The following LEKR1 variants were observed in gnomAD, a reference collection of about 807,000 sequenced individuals.
The protein encoded by LEKR1 is protein LEKR1.
A neutral mutation model predicts 72.4 loss-of-function variants in LEKR1; 59 were observed. The ratio of observed to expected loss-of-function variants is 0.82; its 90% confidence interval spans 0.66 to 1.01. The LOEUF (loss-of-function observed/expected upper bound fraction) is 1.01. Ranked by LOEUF, LEKR1 falls within the 50% of genes least tolerant of loss-of-function variation. The probability of loss-of-function intolerance (pLI) is 0.00; values close to 1 mark genes in which losing one functional copy is unlikely to be tolerated. For synonymous variants in LEKR1, 257 were observed against 263.2 expected, an observed-to-expected ratio of 0.98 and a Z score of 0.23; for missense variants, 728 against 759.2, an observed-to-expected ratio of 0.96 and a Z score of 0.48.
At chr3:156,840,514 C>T (rs976499004) in intron 2 of LEKR1, among the ~76,000 whole-genome samples, 4 of 152,114 alleles carry the variant, frequency 2.6e-5, no homozygotes, top group African/African-American at 7.2e-5. Flanking sequence ...ATCAATCTTT[C>T]GGGTTTTTCA....
At chr3:156,952,680 C>T (rs1727274052) in intron 6 of LEKR1, among the ~76,000 whole-genome samples, 1 of 151,458 alleles carries the variant, frequency 6.6e-6, no homozygotes, top group Non-Finnish European at 1.5e-5. Context: ...AATGAACCCC[C>T]TTCCTTTGAC....
At chr3:156,950,352 A>G (rs945514164) in intron 6 of LEKR1, among the ~76,000 whole-genome samples, 9 of 151,492 alleles carry the variant, frequency 5.9e-5, no homozygotes, top group African/African-American at 2.2e-4. Context: ...ATTTTTAAAT[A>G]ATTTTTTCTA....
chr3:156,898,796 T>G (rs1721472357), intron 3 of LEKR1, among the ~76,000 whole-genome samples: 1 of 152,174 alleles, frequency 6.6e-6, no homozygotes, highest in Non-Finnish European at 1.5e-5. Flanking sequence ...AGTAAAGCAT[T>G]TGCTATGGCA....
Position 156,837,824 on chromosome 3 carries a change from C to T in LEKR1, c.48+8447C>T, listed in dbSNP as rs564652212. Among the ~76,000 whole-genome samples, 10 of 152,242 alleles carry T rather than the reference C, an allele frequency of 6.6e-5. No homozygotes were observed. In the South Asian group the frequency reaches 1.5e-3, roughly 22 times the overall value. On this transcript the variant is annotated intron_variant, in intron 2 of 12. Coordinates refer to ENST00000356539, the MANE Select transcript of LEKR1 (RefSeq NM_001004316.3). ...TGGTAGGAAATTCTTACCCTTTTGC[C>T]GGCATGCTAGCTTTCCAGGTTCCTT...
intron 3 of LEKR1, among the ~76,000 whole-genome samples, chr3:156,907,534 TA>T (rs1170499547): frequency 6.6e-6 from 1 of 152,122 alleles, no homozygotes; most frequent in African/African-American, 2.4e-5. Flanking sequence ...ATTAAAATAA[TA>T]TTTCATAACT....
At chr3:156,946,671 C>A (rs1002116959) in intron 6 of LEKR1, among the ~76,000 whole-genome samples, 4 of 151,190 alleles carry the variant, frequency 2.6e-5, no homozygotes, top group African/African-American at 4.8e-5. Context: ...TTATATCAAA[C>A]GTTTTTTCAG....
intron 3 of LEKR1, among the ~76,000 whole-genome samples, chr3:156,908,125 A>T (rs1162580706): frequency 6.6e-6 from 1 of 152,192 alleles, no homozygotes. Flanking sequence ...TCATGATGTC[A>T]GTATCTTATT....
intron 11 of LEKR1, among the ~76,000 whole-genome samples, chr3:157,027,869 A>G (rs10936053): frequency 0.088 from 13,413 of 152,226 alleles, 644 homozygotes; most frequent in African/African-American, 0.11. Flanking sequence ...TAGTCACAGA[A>G]ATTTATATAT....
At chr3:156,913,044 A>G (rs771823004) in intron 3 of LEKR1, among the ~76,000 whole-genome samples, 2 of 152,106 alleles carry the variant, frequency 1.3e-5, no homozygotes, top group African/African-American at 2.4e-5. Flanking sequence ...TTCTTGGAAA[A>G]AAGTTAACAG....
intron 6 of LEKR1, among the ~76,000 whole-genome samples, chr3:156,954,086 T>A (rs548721526): frequency 2.0e-5 from 3 of 152,056 alleles, no homozygotes; most frequent in Non-Finnish European, 2.9e-5. Context: ...TATCTTATTG[T>A]GGTTTTAATT....
chr3:156,895,650 C>T (rs1408781791), intron 3 of LEKR1, among the ~76,000 whole-genome samples: 1 of 151,876 alleles, frequency 6.6e-6, no homozygotes, highest in African/African-American at 2.4e-5. Flanking sequence ...CAAATAAACA[C>T]CACAGTGAGA....
intron 6 of LEKR1, among the ~76,000 whole-genome samples, chr3:156,978,770 T>C (rs559514499): frequency 2.0e-5 from 3 of 152,296 alleles, no homozygotes; most frequent in Admixed American, 1.3e-4. Flanking sequence ...TTGTCTGTTT[T>C]AGTTCTAGCA....
At chr3:156,998,696 T>C (rs1731774474) in intron 9 of LEKR1, among the ~76,000 whole-genome samples, 1 of 152,228 alleles carries the variant, frequency 6.6e-6, no homozygotes, top group Admixed American at 6.5e-5. Context: ...AAGATACTTA[T>C]GTATCTTAAA....
intron 2 of LEKR1, among the ~76,000 whole-genome samples, chr3:156,834,330 A>G (rs1712829053): frequency 6.6e-6 from 1 of 152,162 alleles, no homozygotes; most frequent in Admixed American, 6.5e-5. Flanking sequence ...ACACCCACAG[A>G]GCTTCCTTTA....
intron 5 of LEKR1, among the ~76,000 whole-genome samples, chr3:156,939,744 TA>T (rs1466992208): frequency 1.3e-5 from 2 of 152,198 alleles, no homozygotes; most frequent in African/African-American, 4.8e-5. Flanking sequence ...GAAATTTTCT[TA>T]AACAAGAGCA....
chr3:156,883,177 A>AG (rs1232020896), intron 3 of LEKR1, among the ~76,000 whole-genome samples: 1 of 152,050 alleles, frequency 6.6e-6, no homozygotes, highest in African/African-American at 2.4e-5. Context: ...AAAGAAAGAA[A>AG]AAAAAAGATT....
At chr3:156,918,198 G>A (rs1560078748) in intron 3 of LEKR1, among the ~76,000 whole-genome samples, 1 of 152,132 alleles carries the variant, frequency 6.6e-6, no homozygotes, top group Non-Finnish European at 1.5e-5. Context: ...TAACTATATT[G>A]GGAGGATTAA....
intron 9 of LEKR1, among the ~76,000 whole-genome samples, chr3:157,006,699 T>G (rs368954265): frequency 1.3e-5 from 2 of 152,182 alleles, no homozygotes; most frequent in East Asian, 3.8e-4. Flanking sequence ...ATCAATAAGG[T>G]ACAACCTGGA....
chr3:156,953,234 T>C (rs1235863899), intron 6 of LEKR1, among the ~76,000 whole-genome samples: 1 of 151,444 alleles, frequency 6.6e-6, no homozygotes, highest in East Asian at 1.9e-4. Flanking sequence ...TATAGAGCAT[T>C]CTCATATATC....
Sources: allele counts gnomAD v4.1 joint callset (sites outside exome capture counted in the v4.1 genomes callset), GRCh38; gene constraint gnomAD v4.1.1; transcripts MANE v1.5; gene names NCBI Gene and HGNC (gene_info 2026-07-23, HGNC 2026-07-21).